The following RBFOX1 variants were observed in gnomAD, a reference collection of about 807,000 sequenced individuals.
RBFOX1 encodes RNA binding fox-1 homolog 1, also known as RNA binding protein fox-1 homolog 1.
In RBFOX1, 8 loss-of-function variants were observed where a neutral mutation model predicts 57.7. The observed-to-expected ratio is 0.14, with a 90% CI of 0.08 to 0.25. RBFOX1 has a LOEUF of 0.25. Ranked by LOEUF, RBFOX1 falls within the 10% of genes least tolerant of loss-of-function variation. The pLI is 1.00. For missense variants in RBFOX1, 611 were observed against 548.5 expected (o/e 1.11, Z -1.14); for synonymous variants, 326 against 222.4 (o/e 1.47, Z -4.15).
chr16:6,957,804 C>T (rs2082181423), intron 3 of RBFOX1, among the ~76,000 whole-genome samples: 2 of 152,256 alleles, frequency 1.3e-5, no homozygotes, highest in Admixed American at 6.5e-5. Flanking sequence ...GAAAGCCAGG[C>T]ATCTCTCTTT....
At chr16:5,773,087 T>C (rs146403877) in intron 3 of RBFOX1, among the ~76,000 whole-genome samples, 1 of 152,066 alleles carries the variant, frequency 6.6e-6, no homozygotes, top group Non-Finnish European at 1.5e-5. Context: ...CAATGAGAGA[T>C]GTGAAGGGTC....
At chr16:6,335,789 A>T (rs909322170) in intron 2 of RBFOX1, among the ~76,000 whole-genome samples, 1 of 147,580 alleles carries the variant, frequency 6.8e-6, no homozygotes, top group African/African-American at 2.6e-5. Context: ...AAAAAAAAAA[A>T]AGAAAAAAAA....
At chr16:6,013,008 A>C (rs181574905) in intron 4 of RBFOX1, among the ~76,000 whole-genome samples, 7 of 152,318 alleles carry the variant, frequency 4.6e-5, no homozygotes, top group African/African-American at 1.7e-4. Flanking sequence ...AATCAACTGC[A>C]CTGTCCATTG....
rs879898472 is a variant in RBFOX1 at position 7,460,370 on chromosome 16, A to AATATATATATATATATAT, written c.28-57774_28-57757dup. Among the ~76,000 whole-genome samples, 422 of 75,220 alleles carry AATATATATATATATATAT rather than the reference A, an allele frequency of 5.6e-3. 1 individual carries two copies. The highest frequency in any genetic ancestry group is 0.012 in the South Asian group (23 of 1,846). The allele number at this position is 75,220 out of a possible 152,430, so 49.3% of individuals were successfully genotyped here. A position where few individuals can be genotyped will look rare whatever the true frequency, so the allele number is the denominator to read the frequency against. On this transcript the variant is annotated intron_variant, in intron 4 of 15. Transcript: ENST00000550418. Reference sequence around the variant, plus strand: ...ATGATTTGCCTTAATCATTTAGCAAAATATATATATATATATATATGTGTG... The same window carrying AATATATATATATATATAT: ...ATGATTTGCCTTAATCATTTAGCAAAATATATATATATATATATATATATATATATATATATATGTGTG...
chr16:7,216,962 G>A (rs1307939474), intron 4 of RBFOX1, among the ~76,000 whole-genome samples: 1 of 143,216 alleles, frequency 7.0e-6, no homozygotes, highest in Non-Finnish European at 1.5e-5. Flanking sequence ...GGGCACATTG[G>A]TAAGGAAAAG....
intron 2 of RBFOX1, among the ~76,000 whole-genome samples, chr16:5,532,274 C>A (rs1174763602): frequency 6.6e-6 from 1 of 152,204 alleles, no homozygotes; most frequent in Admixed American, 6.5e-5. Flanking sequence ...CTAGTTGTGA[C>A]AAGCAGACTT....
chr16:6,897,951 A>T (rs913821033), intron 3 of RBFOX1, among the ~76,000 whole-genome samples: 1 of 152,076 alleles, frequency 6.6e-6, no homozygotes, highest in Non-Finnish European at 1.5e-5. Flanking sequence ...ACCAGGTCGG[A>T]TCCCTGTGTT....
intron 2 of RBFOX1, among the ~76,000 whole-genome samples, chr16:6,378,178 C>G (rs1459499002): frequency 6.6e-6 from 1 of 152,238 alleles, no homozygotes; most frequent in Non-Finnish European, 1.5e-5. Flanking sequence ...GGAAGGCTGC[C>G]AGCAGCAGAT....
intron 3 of RBFOX1, among the ~76,000 whole-genome samples, chr16:6,938,308 G>A (rs1025734267): frequency 7.9e-5 from 12 of 152,080 alleles, no homozygotes; most frequent in Admixed American, 6.6e-4. Flanking sequence ...ATCGTCACAA[G>A]GAAAGTAAAA....
intron 3 of RBFOX1, among the ~76,000 whole-genome samples, chr16:5,717,548 A>G (rs746904060): frequency 4.0e-5 from 6 of 151,886 alleles, no homozygotes; most frequent in Non-Finnish European, 4.4e-5. Context: ...TTTCATTCTT[A>G]TGCTTTTGTA....
At chr16:6,693,404 C>A (rs2060529019) in intron 3 of RBFOX1, among the ~76,000 whole-genome samples, 1 of 151,110 alleles carries the variant, frequency 6.6e-6, no homozygotes, top group Non-Finnish European at 1.5e-5. Flanking sequence ...CATCCCCATC[C>A]ACTACCATCA....
At chr16:7,074,020 T>C (rs2057854094) in intron 4 of RBFOX1, among the ~76,000 whole-genome samples, 2 of 152,274 alleles carry the variant, frequency 1.3e-5, no homozygotes, top group Non-Finnish European at 1.5e-5. Context: ...GTTTCCATTT[T>C]GCCTATGGCT....
chr16:6,019,012 C>T (rs1356375749), upstream of RBFOX1: 4 of 847,442 alleles, frequency 4.7e-6, no homozygotes, highest in Non-Finnish European at 5.7e-6. The surrounding 1 kb of genome is among the most constrained non-coding windows in gnomAD (Gnocchi z 4.2). Flanking sequence ...AGGGGGCGCT[C>T]CCTCGCGCAC....
At chr16:6,263,421 G>T (rs75518378) in intron 1 of RBFOX1, among the ~76,000 whole-genome samples, 2,236 of 152,188 alleles carry the variant, frequency 0.015, 44 homozygotes, top group East Asian at 0.045. Flanking sequence ...ACATTCAATT[G>T]GTTGGGGGAA....
intron 3 of RBFOX1, among the ~76,000 whole-genome samples, chr16:5,725,868 G>C: frequency 6.6e-6 from 1 of 151,908 alleles, no homozygotes; most frequent in East Asian, 2.0e-4. Context: ...TGAGGAGGCT[G>C]CTGGGTTCAG....
In RBFOX1 at chr16:5,946,366, C is replaced by T. The variant is rs1394804616; in HGVS notation, c.351+79031C>T. On this transcript the variant is annotated intron_variant, in intron 4 of 19. Transcript: ENST00000641259. This position sits in a 1 kb window ranked among gnomAD's most constrained non-coding sequence, Gnocchi z 4.6. ...AATGATTTACTTCTCCATTCCTTTT[C>T]TTTTCGTTTGCTCATGGATGTTTAT... Among the ~76,000 whole-genome samples the T allele has an allele frequency of 1.3e-5, 2 of 152,170 alleles. No homozygotes were observed. Among genetic ancestry groups the T allele is most frequent in the African/African-American group, 4.8e-5 (2 of 41,434 alleles).
At chr16:6,752,081 C>T (rs958572496) in intron 3 of RBFOX1, among the ~76,000 whole-genome samples, 2 of 152,100 alleles carry the variant, frequency 1.3e-5, no homozygotes, top group African/African-American at 2.4e-5. Flanking sequence ...TCCTGCTGGG[C>T]GTCCATCTAC....
intron 3 of RBFOX1, among the ~76,000 whole-genome samples, chr16:6,878,730 A>T (rs1389771797): frequency 6.6e-6 from 1 of 152,192 alleles, no homozygotes; most frequent in Non-Finnish European, 1.5e-5. Flanking sequence ...AGAAATGGAA[A>T]CCTGATATAT....
intron 3 of RBFOX1, among the ~76,000 whole-genome samples, chr16:6,976,611 G>T (rs557384434): frequency 6.6e-6 from 1 of 150,690 alleles, no homozygotes; most frequent in East Asian, 2.0e-4. Context: ...GGGCGTTCCC[G>T]AAAGTAAGAG....
Sources: gnomAD v4.1 joint callset for allele counts (sites outside exome capture counted in the v4.1 genomes callset) on GRCh38, gnomAD v4.1.1 for gene constraint, Gnocchi (gnomAD v3.1) non-coding constraint, MANE v1.5 for transcripts, NCBI Gene and HGNC (gene_info 2026-07-23, HGNC 2026-07-21) for gene names.